The following MOB3B variants were observed in gnomAD, a reference collection of about 807,000 sequenced individuals.
The protein encoded by MOB3B is MOB kinase activator 3B, also known as MOB kinase activator-like 2B.
In MOB3B, 7 loss-of-function variants were observed where a neutral mutation model predicts 18.7. The ratio of observed to expected loss-of-function variants is 0.37; its 90% CI spans 0.21 to 0.70. MOB3B has a LOEUF of 0.70. Ranked by LOEUF, MOB3B falls within the 30% of genes least tolerant of loss-of-function variation. The pLI, the probability that MOB3B is intolerant of heterozygous loss-of-function variation, is 0.52. For synonymous variants in MOB3B, 111 were observed against 99.9 expected (o/e 1.11, Z -0.66); for missense variants, 253 against 281.3 (o/e 0.90, Z 0.72).
At chr9:27,406,617 G>T (rs1219470321) in intron 2 of MOB3B, among the ~76,000 whole-genome samples, 1 of 152,188 alleles carries the variant, frequency 6.6e-6, no homozygotes, top group Non-Finnish European at 1.5e-5. Context: ...CAACAAAGGT[G>T]CCAAGAACAT....
chr9:27,453,093 A>C (rs1641191366), intron 2 of MOB3B, among the ~76,000 whole-genome samples: 1 of 152,224 alleles, frequency 6.6e-6, no homozygotes. Context: ...AATAATTCTG[A>C]TATAAACAAA....
At chr9:27,437,268 G>A (rs1822523706) in intron 2 of MOB3B, among the ~76,000 whole-genome samples, 1 of 152,190 alleles carries the variant, frequency 6.6e-6, no homozygotes, top group African/African-American at 2.4e-5. Flanking sequence ...ATGGGCTACA[G>A]TTGTGCCCTT....
intron 1 of MOB3B, among the ~76,000 whole-genome samples, chr9:27,528,642 C>G (rs966607649): frequency 6.6e-6 from 1 of 152,218 alleles, no homozygotes; most frequent in African/African-American, 2.4e-5. Flanking sequence ...CTTCTCTCCC[C>G]AAGCCCCGCC....
intron 1 of MOB3B, among the ~76,000 whole-genome samples, chr9:27,507,362 C>G (rs1820075807): frequency 6.6e-6 from 1 of 152,162 alleles, no homozygotes; most frequent in Non-Finnish European, 1.5e-5. Flanking sequence ...TCAGCCCAGT[C>G]TTGTTATTGT....
chr9:27,365,518 CCAGA>C (rs533674155), intron 2 of MOB3B, among the ~76,000 whole-genome samples: 165 of 152,058 alleles, frequency 1.1e-3, no homozygotes, highest in Non-Finnish European at 1.9e-3. Flanking sequence ...TTATAATAAT[CCAGA>C]CAAACCATCA....
At chr9:27,344,251 G>A (rs1820999319) in intron 3 of MOB3B, among the ~76,000 whole-genome samples, 1 of 152,202 alleles carries the variant, frequency 6.6e-6, no homozygotes, top group Non-Finnish European at 1.5e-5. Context: ...GGACAAATGA[G>A]CATTAGTGCA....
chr9:27,460,844 T>G (rs1819275890), intron 1 of MOB3B, among the ~76,000 whole-genome samples: 2 of 152,214 alleles, frequency 1.3e-5, no homozygotes, highest in Admixed American at 1.3e-4. Flanking sequence ...GTTTGCTGAA[T>G]GAATGAGTAA....
At chr9:27,443,974 C>T (rs1370719058) in intron 2 of MOB3B, among the ~76,000 whole-genome samples, 1 of 152,040 alleles carries the variant, frequency 6.6e-6, no homozygotes, top group Non-Finnish European at 1.5e-5. Context: ...TCATAATCAA[C>T]CACAGCATGT....
At chr9:27,484,920 A>C (rs552472564) in intron 1 of MOB3B, among the ~76,000 whole-genome samples, 12 of 152,320 alleles carry the variant, frequency 7.9e-5, no homozygotes, top group Non-Finnish European at 1.3e-4. Flanking sequence ...CATGGAGTAC[A>C]GTGACCATTA....
At chr9:27,467,225 G>GAAAA (rs1819398288) in intron 1 of MOB3B, among the ~76,000 whole-genome samples, 2 of 152,178 alleles carry the variant, frequency 1.3e-5, no homozygotes, top group South Asian at 4.1e-4. Flanking sequence ...CCAGAAAGAT[G>GAAAA]CAGGTCTGAG....
In MOB3B at chr9:27,453,094, T is replaced by C. The variant is rs113370882; in HGVS notation, c.418+2039A>G. Among the ~76,000 whole-genome samples the C allele has an allele frequency of 7.2e-3, 1,100 of 152,262 alleles. 13 individuals are homozygous for C. Among genetic ancestry groups the C allele is most frequent in the African/African-American group, 0.025 (1,037 of 41,542 alleles). ...GAACAGAAGGCCCAAATAATTCTGA[T>C]ATAAACAAAAGTTTGACAACTGTAA... On this transcript the variant is annotated intron_variant, in intron 2 of 3. Transcript: ENST00000262244.
At chr9:27,451,048 T>C (rs191025175) in intron 2 of MOB3B, among the ~76,000 whole-genome samples, 218 of 152,288 alleles carry the variant, frequency 1.4e-3, no homozygotes, top group African/African-American at 5.0e-3. Flanking sequence ...TTCCTTCTTT[T>C]CAAAGACTTA....
At chr9:27,524,651 T>G (rs746556552) in intron 1 of MOB3B, 5 of 1,613,956 alleles carry the variant, frequency 3.1e-6, no homozygotes, top group Non-Finnish European at 4.2e-6. Flanking sequence ...CCTTCAAATA[T>G]TGGAAAGAGA....
chr9:27,511,096 C>T (rs1820135195), intron 1 of MOB3B, among the ~76,000 whole-genome samples: 1 of 151,998 alleles, frequency 6.6e-6, no homozygotes, highest in African/African-American at 2.4e-5. Flanking sequence ...GAAGAAGGGA[C>T]CCAAGTGTGT....
At chr9:27,383,114 C>T (rs1486734694) in intron 2 of MOB3B, among the ~76,000 whole-genome samples, 2 of 152,034 alleles carry the variant, frequency 1.3e-5, no homozygotes, top group Non-Finnish European at 2.9e-5. Context: ...GGGTTAAGAG[C>T]GTGGATCTAG....
intron 2 of MOB3B, among the ~76,000 whole-genome samples, chr9:27,396,255 AT>A (rs2131387328): frequency 6.6e-6 from 1 of 152,252 alleles, no homozygotes; most frequent in South Asian, 2.1e-4. Flanking sequence ...TGTTCAAGAA[AT>A]ATTTATATTT....
intron 2 of MOB3B, among the ~76,000 whole-genome samples, chr9:27,389,332 T>C (rs1036604428): frequency 6.8e-6 from 1 of 146,980 alleles, no homozygotes; most frequent in Non-Finnish European, 1.5e-5. Flanking sequence ...GTGCTCTGCC[T>C]CCTGCCTATC....
chr9:27,491,828 G>C (rs1404442598), intron 1 of MOB3B, among the ~76,000 whole-genome samples: 2 of 152,106 alleles, frequency 1.3e-5, no homozygotes, highest in Non-Finnish European at 2.9e-5. Flanking sequence ...AGCCGAGATC[G>C]CACCACTGCA....
At chr9:27,485,671 C>A (rs1819720011) in intron 1 of MOB3B, among the ~76,000 whole-genome samples, 1 of 152,190 alleles carries the variant, frequency 6.6e-6, no homozygotes, top group South Asian at 2.1e-4. Flanking sequence ...GAAAATTACT[C>A]TTCTTTAAAA....
Sources: allele counts gnomAD v4.1 joint callset (sites outside exome capture counted in the v4.1 genomes callset), GRCh38; gene constraint gnomAD v4.1.1; transcripts MANE v1.5; gene names NCBI Gene and HGNC (gene_info 2026-07-23, HGNC 2026-07-21).